NTRK3: variants seen among roughly 807,000 people sequenced by gnomAD.
NTRK3 encodes the protein NT-3 growth factor receptor.
Under a neutral mutation model 91.7 loss-of-function variants are expected in NTRK3, and 24 were observed. The ratio of observed to expected loss-of-function variants is 0.26; its 90% confidence interval spans 0.19 to 0.37. The LOEUF (loss-of-function observed/expected upper bound fraction) is 0.37, where lower values mean the gene tolerates loss of function less well. Ranked by LOEUF, NTRK3 falls within the 10% of genes least tolerant of loss-of-function variation. The probability of loss-of-function intolerance (pLI) is 1.00; values close to 1 mark genes in which losing one functional copy is unlikely to be tolerated. For missense variants in NTRK3, 880 were observed against 1,068.9 expected, an observed-to-expected ratio of 0.82 and a Z score of 2.46; for synonymous variants, 483 against 404.0, an observed-to-expected ratio of 1.20 and a Z score of -2.34.
At chr15:88,051,930 G>A (rs1221147738) in intron 13 of NTRK3, among the ~76,000 whole-genome samples, 1 of 152,202 alleles carries the variant, frequency 6.6e-6, no homozygotes, top group Admixed American at 6.5e-5. Flanking sequence ...ATCAAAGCAA[G>A]AGGACTTAAT....
chr15:88,249,179 C>T (rs556807841), intron 3 of NTRK3, among the ~76,000 whole-genome samples: 1 of 152,118 alleles, frequency 6.6e-6, no homozygotes. Flanking sequence ...GGACTGGGGG[C>T]AGAGGTGAGG....
chr15:87,991,600 C>T (rs2075293851), intron 14 of NTRK3, among the ~76,000 whole-genome samples: 1 of 152,138 alleles, frequency 6.6e-6, no homozygotes, highest in Non-Finnish European at 1.5e-5. Flanking sequence ...CAATCCCCAT[C>T]CCAAACAATT....
At chr15:88,104,620 G>GC (rs1567413652) in intron 13 of NTRK3, among the ~76,000 whole-genome samples, 1 of 152,190 alleles carries the variant, frequency 6.6e-6, no homozygotes, top group Non-Finnish European at 1.5e-5. Flanking sequence ...GTGTGTGTCT[G>GC]CCCCTTCCTG....
intron 5 of NTRK3, among the ~76,000 whole-genome samples, chr15:88,170,612 A>C (rs1229167486): frequency 6.6e-6 from 1 of 152,176 alleles, no homozygotes; most frequent in African/African-American, 2.4e-5. Flanking sequence ...GCACCATCTA[A>C]AGAGAACAGG....
chr15:88,021,812 G>A (rs891174687), intron 14 of NTRK3, among the ~76,000 whole-genome samples: 5 of 152,134 alleles, frequency 3.3e-5, no homozygotes, highest in Non-Finnish European at 5.9e-5. Context: ...TATGACTCAC[G>A]TGTTCACTCA....
intron 17 of NTRK3, among the ~76,000 whole-genome samples, chr15:87,905,990 C>T (rs112218827): frequency 1.1e-4 from 17 of 152,360 alleles, no homozygotes; most frequent in African/African-American, 3.8e-4. Context: ...ACATCTACTG[C>T]TCCTGATCCA....
At position 88,237,558 on chromosome 15, in the gene NTRK3, G is replaced by A. The variant is rs554534330; in HGVS notation, c.248+18348C>T. 1.3e-5 allele frequency among the ~76,000 whole-genome samples: 2 copies of A among 152,158 alleles called. No homozygotes were observed. Among genetic ancestry groups the A allele is most frequent in the Non-Finnish European group, 2.9e-5 (2 of 68,024 alleles). Reference sequence around the variant, plus strand: ...AAATCATGCACTTTATATATGAGTTGTTTTGCTTATTTACACCTGAGATCT... The same window carrying A: ...AAATCATGCACTTTATATATGAGTTATTTTGCTTATTTACACCTGAGATCT... On this transcript the variant is annotated intron_variant, in intron 3 of 18. Transcript: ENST00000394480. This position sits in a 1 kb window ranked among gnomAD's most constrained non-coding sequence, Gnocchi z 4.0.
intron 14 of NTRK3, among the ~76,000 whole-genome samples, chr15:87,951,397 CAA>C (rs1452049692): frequency 6.6e-6 from 1 of 152,162 alleles, no homozygotes; most frequent in Non-Finnish European, 1.5e-5. Context: ...GTGGTGTTGG[CAA>C]AGACCAGCAT....
intron 14 of NTRK3, among the ~76,000 whole-genome samples, chr15:87,983,586 C>G (rs1181188020): frequency 6.6e-6 from 1 of 152,196 alleles, no homozygotes; most frequent in Non-Finnish European, 1.5e-5. Flanking sequence ...ATTAACTCCA[C>G]TTTACAAGGG....
At chr15:88,054,116 T>A (rs910384861) in intron 13 of NTRK3, among the ~76,000 whole-genome samples, 1 of 152,230 alleles carries the variant, frequency 6.6e-6, no homozygotes, top group Admixed American at 6.5e-5. Context: ...GAGGCCGTTC[T>A]GGGCAAAAAG....
At chr15:87,979,658 T>C (rs1176984159) in intron 14 of NTRK3, among the ~76,000 whole-genome samples, 1 of 152,092 alleles carries the variant, frequency 6.6e-6, no homozygotes, top group Non-Finnish European at 1.5e-5. Context: ...AAACACTCCA[T>C]TTTGCTGCAG....
chr15:87,873,154 G>A (rs539586982), exon 19 of NTRK3: 148 of 231,760 alleles, frequency 6.4e-4, no homozygotes, highest in African/African-American at 2.7e-3. Context: ...AGTGTATTCC[G>A]CAAAGTAGGC....
chr15:88,018,181 G>A (rs545987142), intron 14 of NTRK3, among the ~76,000 whole-genome samples: 1 of 152,292 alleles, frequency 6.6e-6, no homozygotes, highest in East Asian at 1.9e-4. Context: ...CCCTGCTTCT[G>A]GGAGGCCTGC....
chr15:88,169,571 G>A (rs1326017796), intron 5 of NTRK3, among the ~76,000 whole-genome samples: 1 of 152,170 alleles, frequency 6.6e-6, no homozygotes, highest in Non-Finnish European at 1.5e-5. Flanking sequence ...CAGTGAGAGA[G>A]ATCTCAGGTC....
intron 13 of NTRK3, among the ~76,000 whole-genome samples, chr15:88,091,024 C>T (rs2048967169): frequency 6.6e-6 from 1 of 152,178 alleles, no homozygotes; most frequent in Admixed American, 6.5e-5. Flanking sequence ...TAAATCTAAT[C>T]CCTGTAACTC....
At chr15:87,870,493 T>C (rs1239030374) in exon 19 of NTRK3, 1 of 209,716 alleles carries the variant, frequency 4.8e-6, no homozygotes, top group African/African-American at 2.3e-5. Flanking sequence ...ACTGCCTGGG[T>C]GATGGGTGTG....
chr15:88,007,204 G>A (rs1159246415), intron 14 of NTRK3, among the ~76,000 whole-genome samples: 1 of 152,180 alleles, frequency 6.6e-6, no homozygotes, highest in East Asian at 1.9e-4. Context: ...TCCTATATGG[G>A]CATTCTGTTA....
chr15:87,893,863 G>T (rs371132981), intron 17 of NTRK3, among the ~76,000 whole-genome samples: 4 of 152,136 alleles, frequency 2.6e-5, no homozygotes, highest in East Asian at 3.9e-4. Context: ...CCAATGGAGG[G>T]ATTCAAGCTT....
chr15:87,929,213 A>G (rs2141909431), exon 17 of NTRK3: 2 of 1,614,132 alleles, frequency 1.2e-6, no homozygotes, highest in Non-Finnish European at 1.7e-6. Context: ...CGTGCTGTAG[A>G]CATCTCTGGA....
Sources: allele counts gnomAD v4.1 joint callset (sites outside exome capture counted in the v4.1 genomes callset), GRCh38; gene constraint gnomAD v4.1.1; non-coding constraint Gnocchi (gnomAD v3.1); transcripts MANE v1.5; gene names NCBI Gene and HGNC (gene_info 2026-07-23, HGNC 2026-07-21).